The following TRAPPC9 variants were observed in gnomAD, a reference collection of about 807,000 sequenced individuals.
The protein encoded by TRAPPC9 is trafficking protein particle complex subunit 9.
Under a neutral mutation model 124.0 loss-of-function variants are expected in TRAPPC9, and 83 were observed. The observed-to-expected ratio is 0.67, with a 90% confidence interval of 0.56 to 0.80. TRAPPC9 has a LOEUF of 0.80. Among genes scored for constraint, TRAPPC9 ranks in the 30% least tolerant of loss-of-function variants. TRAPPC9 has a pLI of 0.00. For missense variants in TRAPPC9, 1,302 were observed against 1,508.3 expected (o/e 0.86, Z 2.27); for synonymous variants, 638 against 617.5 (o/e 1.03, Z -0.49).
intron 19 of TRAPPC9, chr8:139,933,699 G>C (rs1438995323): frequency 6.6e-6 from 1 of 152,220 alleles, no homozygotes; most frequent in Non-Finnish European, 1.5e-5. Context: ...CCCTGCCCTT[G>C]GCCAATCCCT....
At chr8:139,945,322 A>C (rs996489476) in intron 19 of TRAPPC9, among the ~76,000 whole-genome samples, 9 of 152,082 alleles carry the variant, frequency 5.9e-5, no homozygotes, top group Admixed American at 3.3e-4. Flanking sequence ...ATCATATGAA[A>C]TAGACTTCAA....
chr8:140,131,075 G>A (rs569662268), intron 17 of TRAPPC9, among the ~76,000 whole-genome samples: 1 of 152,040 alleles, frequency 6.6e-6, no homozygotes, highest in African/African-American at 2.4e-5. Flanking sequence ...CTTTCTCAGT[G>A]GCTACATTTT....
At chr8:140,031,932 G>C (rs959077213) in intron 17 of TRAPPC9, among the ~76,000 whole-genome samples, 3 of 152,192 alleles carry the variant, frequency 2.0e-5, no homozygotes, top group African/African-American at 7.2e-5. Flanking sequence ...GTCTGGTTTA[G>C]GATACTAAGG....
chr8:139,892,970 A>G (rs906455187), intron 20 of TRAPPC9, among the ~76,000 whole-genome samples: 11 of 152,198 alleles, frequency 7.2e-5, no homozygotes, highest in African/African-American at 9.7e-5. Flanking sequence ...CTCTGGACAG[A>G]GGGAGTCCCC....
intron 19 of TRAPPC9, among the ~76,000 whole-genome samples, chr8:139,958,305 C>G (rs985617530): frequency 1.3e-5 from 2 of 152,222 alleles, no homozygotes; most frequent in Non-Finnish European, 2.9e-5. Context: ...ACTAAATGCT[C>G]TGGTTTTTTA....
chr8:140,424,663 A>G (rs946405848), intron 5 of TRAPPC9, among the ~76,000 whole-genome samples: 4 of 151,772 alleles, frequency 2.6e-5, no homozygotes, highest in Non-Finnish European at 5.9e-5. Flanking sequence ...AAAATGAAAG[A>G]AATGAAAGAA....
chr8:139,739,653 A>C (rs10093271), intron 21 of TRAPPC9, among the ~76,000 whole-genome samples: 128,887 of 152,266 alleles, frequency 0.85, 54,652 homozygotes, highest in East Asian at 0.89. Context: ...GTTGTCCCTG[A>C]CCACACAGTA....
chr8:140,224,458 A>T (rs1039025186), intron 16 of TRAPPC9, among the ~76,000 whole-genome samples: 1 of 152,184 alleles, frequency 6.6e-6, no homozygotes, highest in African/African-American at 2.4e-5. Flanking sequence ...AACCTTTGAC[A>T]TACTCAAAGG....
At chr8:139,786,335 G>A (rs2130564998) in intron 21 of TRAPPC9, among the ~76,000 whole-genome samples, 1 of 152,318 alleles carries the variant, frequency 6.6e-6, no homozygotes, top group Middle Eastern at 3.4e-3. Context: ...GTAGGGAGAT[G>A]CAAATCAAAA....
At chr8:139,745,593 G>A (rs749580374) in intron 21 of TRAPPC9, among the ~76,000 whole-genome samples, 5 of 152,212 alleles carry the variant, frequency 3.3e-5, no homozygotes, top group East Asian at 1.9e-4. Context: ...AGGCCAGGTC[G>A]TCCTAGCAGG....
chr8:140,443,817 A>C (rs2071135191), intron 2 of TRAPPC9, among the ~76,000 whole-genome samples: 1 of 150,118 alleles, frequency 6.7e-6, no homozygotes, highest in Non-Finnish European at 1.5e-5. Context: ...CGGGCAGATC[A>C]CCTGAGGTCA....
intron 7 of TRAPPC9, among the ~76,000 whole-genome samples, chr8:140,396,852 A>G (rs2069110996): frequency 6.6e-6 from 1 of 151,984 alleles, no homozygotes; most frequent in African/African-American, 2.4e-5. Context: ...CTGTACCTCC[A>G]ATTTTTTTCC....
At chr8:139,786,540 A>C (rs921878436) in intron 21 of TRAPPC9, among the ~76,000 whole-genome samples, 1 of 152,178 alleles carries the variant, frequency 6.6e-6, no homozygotes, top group Non-Finnish European at 1.5e-5. Flanking sequence ...CACCTGACCT[A>C]GCAATTCTAC....
At chr8:140,381,942 C>A (rs1216876313) in intron 7 of TRAPPC9, among the ~76,000 whole-genome samples, 3 of 152,154 alleles carry the variant, frequency 2.0e-5, no homozygotes, top group Non-Finnish European at 4.4e-5. Context: ...TAAGTATATA[C>A]CCAAGAGAAC....
At chr8:140,310,442 G>A (rs998777768) in intron 10 of TRAPPC9, among the ~76,000 whole-genome samples, 4 of 152,216 alleles carry the variant, frequency 2.6e-5, no homozygotes, top group South Asian at 2.1e-4. Context: ...GTTTCTTTCC[G>A]GTCTTCAAAC....
chr8:140,043,826 A>G (rs1239961439), intron 17 of TRAPPC9, among the ~76,000 whole-genome samples: 6 of 152,178 alleles, frequency 3.9e-5, no homozygotes, highest in Non-Finnish European at 7.3e-5. Context: ...CTAATTAGTG[A>G]GATGGGGAAA....
chr8:140,053,884 C>T (rs1280723325), intron 17 of TRAPPC9, among the ~76,000 whole-genome samples: 1 of 152,166 alleles, frequency 6.6e-6, no homozygotes, highest in Non-Finnish European at 1.5e-5. Flanking sequence ...ATGCTTATTG[C>T]AGCACTATTC....
intron 15 of TRAPPC9, among the ~76,000 whole-genome samples, chr8:140,273,747 C>A (rs180974042): frequency 1.9e-3 from 283 of 152,320 alleles, no homozygotes; most frequent in African/African-American, 6.4e-3. Context: ...CTCCCAGAGT[C>A]CCACTTCCGC....
chr8:140,451,080 C>A lies in TRAPPC9; in HGVS notation c.294G>T (p.Lys98Asn). 2 of 1,614,018 alleles carry A rather than the reference C, an allele frequency of 1.2e-6. No individual in the cohort carries two copies. The highest frequency in any genetic ancestry group is 1.7e-6 in the Non-Finnish European group (2 of 1,179,998). ...CGTAGATCTCCTTCTGCACGTGGAA[C>A]TTCTCAAAGGTCTGTGGCCAGTCCT... ...SAKDWPQTFE[K>N]FHVQKEIYGS... Residue 98 changes from lysine to asparagine, a missense_variant, in exon 2 of 23, where the codon AAG (lysine) becomes AAT (asparagine). Physicochemically the swap from Lys to Asn is moderately conservative, Grantham distance 94 (BLOSUM62 0). Around this residue, in one of 3 missense-constraint regions of TRAPPC9, gnomAD observed 657 missense variants for 811.2 expected, o/e 0.81. Transcript: ENST00000438773.
Sources: allele counts gnomAD v4.1 joint callset (sites outside exome capture counted in the v4.1 genomes callset), GRCh38; gene constraint gnomAD v4.1.1; regional missense constraint gnomAD v4.1.1; transcripts MANE v1.5; gene names NCBI Gene and HGNC (gene_info 2026-07-23, HGNC 2026-07-21).